Variants in CT55 observed in about 807,000 individuals in gnomAD.
The protein encoded by CT55 is BRCA2-interacting protein.
A neutral mutation model predicts 12.6 loss-of-function variants in CT55; 1 was observed. The observed-to-expected ratio is 0.08, with a 90% CI of 0.03 to 0.38. CT55 has a LOEUF of 0.38. CT55 is among the 10% of genes least tolerant of loss of function. The pLI, the probability that CT55 is intolerant of heterozygous loss-of-function variation, is 0.99. For missense variants in CT55, 109 were observed against 135.4 expected (o/e 0.80, Z 0.97); for synonymous variants, 43 against 49.7 (o/e 0.87, Z 0.57).
At chrX:135,159,796 C>A (rs782187198) in intron 3 of CT55, among the ~76,000 whole-genome samples, 4 of 111,661 alleles carry the variant, frequency 3.6e-5, no homozygotes, top group African/African-American at 1.3e-4. Context: ...CCTGGGGAAG[C>A]GGAGCTAATC....
intron 2 of CT55, among the ~76,000 whole-genome samples, chrX:135,169,101 C>A (rs2506496): frequency 1.2e-3 from 140 of 112,127 alleles, no homozygotes; most frequent in Non-Finnish European, 2.1e-3. Flanking sequence ...TTCATAATAG[C>A]CACTGAATGG....
At chrX:135,164,699 A>C (rs1479640063) in intron 2 of CT55, among the ~76,000 whole-genome samples, 1 of 112,132 alleles carries the variant, frequency 8.9e-6, no homozygotes, top group Non-Finnish European at 1.9e-5. Flanking sequence ...ACTTCTCCTT[A>C]AAGGGCATTC....
intron 1 of CT55, among the ~76,000 whole-genome samples, chrX:135,170,035 C>T (rs1384674621): frequency 1.8e-5 from 2 of 111,552 alleles, no homozygotes; most frequent in Non-Finnish European, 1.9e-5. Context: ...TGAGCAGAGT[C>T]TGGCTCTGTC....
chrX:135,160,622 A>G (rs2083558771), intron 2 of CT55, 67 bp from the exon 3 acceptor site: 1 of 1,094,153 alleles, frequency 9.1e-7, no homozygotes, highest in Non-Finnish European at 1.2e-6. Flanking sequence ...TTACATGATT[A>G]AAAGACTTGT....
intron 2 of CT55, 86 bp downstream of exon 2, chrX:135,169,508 G>T: frequency 1.3e-6 from 1 of 746,473 alleles, no homozygotes; most frequent in Non-Finnish European, 2.0e-6. Flanking sequence ...TCACAGCAGA[G>T]ATGTCGGATT....
chrX:135,164,395 A>G (rs2083574617), intron 2 of CT55, among the ~76,000 whole-genome samples: 1 of 112,031 alleles, frequency 8.9e-6, no homozygotes, highest in Admixed American at 9.5e-5. Flanking sequence ...GCCTCATGCT[A>G]TCCACAAAGA....
intron 2 of CT55, among the ~76,000 whole-genome samples, chrX:135,165,062 G>A (rs1556405763): frequency 8.9e-6 from 1 of 112,152 alleles, no homozygotes; most frequent in African/African-American, 3.2e-5. Context: ...GGATTTATCT[G>A]CACTCCGGAC....
intron 2 of CT55, among the ~76,000 whole-genome samples, chrX:135,166,511 G>C (rs1232641728): frequency 8.9e-6 from 1 of 111,758 alleles, no homozygotes; most frequent in Non-Finnish European, 1.9e-5. Flanking sequence ...TACTGAATGG[G>C]GAAGTGTTGC....
chrX:135,158,332 TGTGA>T, intron 3 of CT55, 21 bp from the exon 4 acceptor site: 1 of 995,034 alleles, frequency 1.0e-6, no homozygotes, highest in Non-Finnish European at 1.4e-6. Context: ...CATGGAGAAA[TGTGA>T]GTGTCATGAT....
chrX:135,171,347 G>A lies in CT55; in HGVS notation c.-176C>T. ...GTGAGCCCCCCTCAGGAGAGTCAGG[G>A]ACACCGCAGCCTCCAAAGGAGCTCC... is the stretch of plus-strand genomic sequence containing the variant. On this transcript the variant is annotated 5_prime_UTR_variant, in exon 1 of 6. Transcript: ENST00000276241. 1 of 916,646 alleles carries A rather than the reference G, an allele frequency of 1.1e-6. No homozygotes were observed. Among genetic ancestry groups the A allele is most frequent in the East Asian group, 3.6e-5 (1 of 28,118 alleles). The allele number at this position is 916,646 out of a possible 1,213,427, so 75.5% of individuals were successfully genotyped here.
At position 135,166,495 on chromosome X, in the gene CT55, A is replaced by G. The variant is rs2083585908; in HGVS notation, c.279+3099T>C. Among the ~76,000 whole-genome samples, 4 of 111,728 alleles carry G rather than the reference A, an allele frequency of 3.6e-5. No individual in the cohort carries two copies. In the Admixed American group the frequency reaches 3.8e-4, roughly 11 times the overall value. ...GTCATATATGATAAACCCACAGATA[A>G]CATCATACTGAATGGGGAAGTGTTG... On this transcript the variant is annotated intron_variant, in intron 2 of 5. Transcript: ENST00000276241.
chrX:135,158,269 G>T lies in CT55; in HGVS notation c.467C>A (p.Ser156Tyr). 2 of 1,208,299 alleles carry T rather than the reference G, an allele frequency of 1.7e-6. No homozygotes were observed. Among genetic ancestry groups the T allele is most frequent in the Non-Finnish European group, 2.2e-6 (2 of 892,487 alleles). Residue 156 changes from serine (S) to tyrosine (Y), a missense_variant, in exon 4 of 6, where the codon TCC becomes TAC. Ser to Tyr is a moderately radical substitution (Grantham distance 144). Transcript: ENST00000276241. ...YKGDLLEVEYSTEPGISNIKA... is the reference protein window; with the variant it reads ...YKGDLLEVEYYTEPGISNIKA... Reference sequence around the variant, plus strand: ...GATGTTTGAGATGCCTGGCTCAGTGGAATATTCAACTTCTAACAAGTCACC... The same window carrying T: ...GATGTTTGAGATGCCTGGCTCAGTGTAATATTCAACTTCTAACAAGTCACC...
intron 2 of CT55, among the ~76,000 whole-genome samples, chrX:135,169,006 G>A (rs1343584280): frequency 8.9e-6 from 1 of 111,979 alleles, no homozygotes; most frequent in East Asian, 2.8e-4. Flanking sequence ...CGATAGTATT[G>A]TTGTCCTTGC....
intron 2 of CT55, among the ~76,000 whole-genome samples, chrX:135,166,660 G>A (rs2083586553): frequency 9.0e-6 from 1 of 111,640 alleles, no homozygotes; most frequent in Admixed American, 9.5e-5. Flanking sequence ...GAAGAATTTA[G>A]ATTGGCCCTG....
rs1556404464 is a variant in CT55 at position 135,158,212 on chromosome X, A to G, written c.524T>C (p.Ile175Thr). Residue 175 changes from isoleucine (I) to threonine (T), a missense_variant, in exon 4 of 6, where the codon ATT (isoleucine) becomes ACT (threonine). Coordinates refer to ENST00000276241, the MANE Select transcript of CT55 (RefSeq NM_001031705.3). The stretch of plus-strand genomic sequence containing the variant: ...GAAAGAAATTACCTCTTCCGTATGA[A>G]TACAACGGATGGGCTTCACAGAAGT... ...KATSVKPIRC[I>T]HTEEVCITSV... 1 of 1,189,870 alleles carries G rather than the reference A, an allele frequency of 8.4e-7. No individual in the cohort carries two copies. The highest frequency in any genetic ancestry group is 2.2e-5 in the Admixed American group (1 of 46,010).
intron 2 of CT55, among the ~76,000 whole-genome samples, chrX:135,164,381 G>A (rs1159006918): frequency 1.8e-5 from 2 of 111,634 alleles, no homozygotes; most frequent in East Asian, 2.8e-4. Flanking sequence ...TTATGTTTCC[G>A]TAAGCCTCAT....
intron 2 of CT55, among the ~76,000 whole-genome samples, chrX:135,165,938 A>G (rs1289509919): frequency 9.5e-6 from 1 of 105,492 alleles, no homozygotes; most frequent in African/African-American, 3.5e-5. Context: ...AAAATCCCCC[A>G]TCAGTGAAGA....
chrX:135,163,409 C>T (rs1404927940), intron 2 of CT55, among the ~76,000 whole-genome samples: 7 of 111,715 alleles, frequency 6.3e-5, no homozygotes, highest in Admixed American at 2.8e-4. Flanking sequence ...TTGAAAAATA[C>T]AGTGAAGGAA....
rs1191423196 is a variant in CT55 at position 135,160,561 on chromosome X, A to G, written c.280-6T>C. On this transcript the variant is annotated splice_polypyrimidine_tract_variant and splice_region_variant and intron_variant, in intron 2 of 5. Coordinates refer to ENST00000276241, the MANE Select transcript of CT55 (RefSeq NM_001031705.3). ...TGGCGAGGCACAACATCCACCTGTA[A>G]GATTTAGGAAAGAGTTTACTTCAAA... is the stretch of plus-strand genomic sequence containing the variant. 1.1e-5 allele frequency: 13 copies of G among 1,178,537 alleles called. No homozygotes were observed. The highest frequency in any genetic ancestry group is 1.5e-5 in the Non-Finnish European group (13 of 885,801).
Sources: allele counts gnomAD v4.1 joint callset (sites outside exome capture counted in the v4.1 genomes callset), GRCh38; gene constraint gnomAD v4.1.1; transcripts MANE v1.5; gene names NCBI Gene and HGNC (gene_info 2026-07-23, HGNC 2026-07-21).